The following FBXL17 variants were observed in gnomAD, a reference collection of about 807,000 sequenced individuals.
The protein encoded by FBXL17 is F-box/LRR-repeat protein 17.
In FBXL17, 22 loss-of-function variants were observed where a neutral mutation model predicts 66.2. The observed-to-expected ratio is 0.33, with a 90% CI of 0.24 to 0.47. The LOEUF (loss-of-function observed/expected upper bound fraction) is 0.47, where lower values mean the gene tolerates loss of function less well. Ranked by LOEUF, FBXL17 falls within the 20% of genes least tolerant of loss-of-function variation. The pLI, the probability that FBXL17 is intolerant of heterozygous loss-of-function variation, is 1.00. For synonymous variants in FBXL17, 474 were observed against 400.5 expected (o/e 1.18, Z -2.19); for missense variants, 878 against 948.2 (o/e 0.93, Z 0.97).
intron 4 of FBXL17, among the ~76,000 whole-genome samples, chr5:108,347,724 G>T (rs955104286): frequency 6.6e-6 from 1 of 151,862 alleles, no homozygotes; most frequent in Non-Finnish European, 1.5e-5. Context: ...TTTTTTTAGG[G>T]GTAATGAAAA....
chr5:108,121,821 C>G (rs997543138), intron 6 of FBXL17, among the ~76,000 whole-genome samples: 1 of 152,072 alleles, frequency 6.6e-6, no homozygotes, highest in Non-Finnish European at 1.5e-5. Context: ...CCTTCCAAAG[C>G]GCTGGGATTA....
rs114308283 is a variant in FBXL17 at position 108,262,773 on chromosome 5, T to G, written c.1507-38545A>C. On this transcript the variant is annotated intron_variant, in intron 4 of 8. Transcript: ENST00000542267. ...AAAAGAGCTAAATAAATCCAATACTTTATTAAAATACAATTGTCATGAAGT... is the reference window on the plus strand; with the variant it reads ...AAAAGAGCTAAATAAATCCAATACTGTATTAAAATACAATTGTCATGAAGT... Among the ~76,000 whole-genome samples the G allele has an allele frequency of 6.8e-3, 1,043 of 152,270 alleles. 17 individuals carry two copies. Among genetic ancestry groups the G allele is most frequent in the African/African-American group, 0.024 (985 of 41,548 alleles).
chr5:107,865,972 C>T lies in FBXL17; in HGVS notation c.1966-4112G>A, dbSNP rs193126256. 1.1e-4 allele frequency among the ~76,000 whole-genome samples: 16 copies of T among 152,278 alleles called. No individual in the cohort carries two copies. In the East Asian group the frequency reaches 2.3e-3, roughly 22 times the overall value. On this transcript the variant is annotated intron_variant, in intron 8 of 8. Coordinates refer to ENST00000542267, the MANE Select transcript of FBXL17 (RefSeq NM_001163315.3). Reference sequence around the variant, plus strand: ...CCTTTTACATCGTTATGCCTACATGCACATTCCTGCAGATATTTTGTCATG... The same window carrying T: ...CCTTTTACATCGTTATGCCTACATGTACATTCCTGCAGATATTTTGTCATG...
chr5:107,958,248 T>C (rs1751744547), intron 7 of FBXL17, among the ~76,000 whole-genome samples: 1 of 152,134 alleles, frequency 6.6e-6, no homozygotes. Context: ...CGTGAAGATA[T>C]AAAACTGCTT....
intron 6 of FBXL17, among the ~76,000 whole-genome samples, chr5:108,160,144 G>A (rs553823112): frequency 3.3e-5 from 5 of 152,142 alleles, no homozygotes; most frequent in Non-Finnish European, 7.4e-5. Context: ...ACAAAACCCA[G>A]ATCTTAAAAT....
intron 4 of FBXL17, among the ~76,000 whole-genome samples, chr5:108,301,568 T>C (rs948322038): frequency 6.6e-6 from 1 of 151,822 alleles, no homozygotes; most frequent in Non-Finnish European, 1.5e-5. Flanking sequence ...GGTTAACTTC[T>C]AGGGCAGTTG....
At chr5:107,942,163 A>G (rs1751127043) in intron 7 of FBXL17, among the ~76,000 whole-genome samples, 1 of 152,184 alleles carries the variant, frequency 6.6e-6, no homozygotes, top group Non-Finnish European at 1.5e-5. Flanking sequence ...CTGAAGCCCC[A>G]TGACCATCTT....
chr5:108,380,681 C>T lies in FBXL17; in HGVS notation c.993+18G>A. ...GTGGGGGAAAGCGAGCATCCCTGCG[C>T]CTCTCGCCCAGACCCACCTTGAGCA... is the stretch of plus-strand genomic sequence containing the variant. On this transcript the variant is annotated intron_variant, in intron 1 of 8. Transcript: ENST00000542267. The T allele has an allele frequency of 8.0e-7, 1 of 1,247,466 alleles. No individual in the cohort carries two copies. Among genetic ancestry groups the T allele is most frequent in the Non-Finnish European group, 1.0e-6 (1 of 987,512 alleles). 77.3% of individuals were successfully genotyped at this position (1,247,466 alleles called of 1,614,324 possible).
intron 7 of FBXL17, among the ~76,000 whole-genome samples, chr5:107,942,697 G>A (rs1406781362): frequency 6.6e-6 from 1 of 151,272 alleles, no homozygotes; most frequent in Non-Finnish European, 1.5e-5. Flanking sequence ...CATTGACAAT[G>A]CCTCTCCCTA....
At chr5:108,235,932 G>C (rs867270187) in intron 4 of FBXL17, among the ~76,000 whole-genome samples, 8 of 152,304 alleles carry the variant, frequency 5.3e-5, no homozygotes, top group Middle Eastern at 3.4e-3. Flanking sequence ...GATTTTATTG[G>C]TTCCATGTGG....
At chr5:108,144,771 A>C (rs2149990195) in intron 6 of FBXL17, among the ~76,000 whole-genome samples, 1 of 152,334 alleles carries the variant, frequency 6.6e-6, no homozygotes, top group Admixed American at 6.5e-5. Context: ...TTAAATCATA[A>C]TAGGAATGAA....
At chr5:108,036,242 G>T (rs1161836050) in intron 6 of FBXL17, among the ~76,000 whole-genome samples, 1 of 152,070 alleles carries the variant, frequency 6.6e-6, no homozygotes. Context: ...TCATAACTTT[G>T]TCTGTGGGTC....
intron 7 of FBXL17, among the ~76,000 whole-genome samples, chr5:108,006,690 T>G (rs11956871): frequency 0.18 from 27,349 of 152,104 alleles, 6,888 homozygotes; most frequent in African/African-American, 0.56. Context: ...GGGAAGCAGG[T>G]ATGAATAAAG....
At chr5:108,033,706 C>T (rs2112789409) in intron 6 of FBXL17, among the ~76,000 whole-genome samples, 1 of 152,244 alleles carries the variant, frequency 6.6e-6, no homozygotes, top group South Asian at 2.1e-4. Flanking sequence ...AGCTGTTATA[C>T]CATTTTATAT....
chr5:107,880,887 A>C, intron 8 of FBXL17, 150 bp downstream of exon 8: 1 of 1,430,292 alleles, frequency 7.0e-7, no homozygotes, highest in South Asian at 1.6e-5. Context: ...CAGGCAAACA[A>C]TGCATAGCTA....
intron 6 of FBXL17, among the ~76,000 whole-genome samples, chr5:108,074,940 T>G (rs138484991): frequency 6.6e-6 from 1 of 152,206 alleles, no homozygotes; most frequent in Non-Finnish European, 1.5e-5. Flanking sequence ...AAAGGCATGA[T>G]TTAAACACTT....
chr5:108,190,407 C>G (rs911218721), intron 5 of FBXL17, among the ~76,000 whole-genome samples: 1 of 152,146 alleles, frequency 6.6e-6, no homozygotes, highest in Admixed American at 6.6e-5. Context: ...CAGAGACAGA[C>G]AGAGATATCT....
chr5:108,002,308 G>A (rs1335062771), intron 7 of FBXL17, among the ~76,000 whole-genome samples: 3 of 150,800 alleles, frequency 2.0e-5, no homozygotes, highest in Non-Finnish European at 4.4e-5. Context: ...ACAGGCACAA[G>A]CCACCGCGCC....
At chr5:108,084,339 C>T (rs963226099) in intron 6 of FBXL17, among the ~76,000 whole-genome samples, 1 of 152,172 alleles carries the variant, frequency 6.6e-6, no homozygotes, top group East Asian at 1.9e-4. Flanking sequence ...TCTGTCTTGG[C>T]AAAAGGAAGC....
Sources: gnomAD v4.1 joint callset for allele counts (sites outside exome capture counted in the v4.1 genomes callset) on GRCh38, gnomAD v4.1.1 for gene constraint, MANE v1.5 for transcripts, NCBI Gene and HGNC (gene_info 2026-07-23, HGNC 2026-07-21) for gene names.